Variants in MTMR3 observed in about 807,000 individuals in gnomAD.
MTMR3 encodes the protein myotubularin related protein 3, also known as phosphatidylinositol-3,5-bisphosphate 3-phosphatase MTMR3.
A neutral mutation model predicts 132.4 loss-of-function variants in MTMR3; 32 were observed. The observed-to-expected ratio is 0.24, with a 90% CI of 0.18 to 0.32. The LOEUF (loss-of-function observed/expected upper bound fraction) is 0.32. Among genes scored for constraint, MTMR3 ranks in the 10% least tolerant of loss-of-function variants. The pLI, the probability that MTMR3 is intolerant of heterozygous loss-of-function variation, is 1.00. For missense variants in MTMR3, 1,216 were observed against 1,489.6 expected (o/e 0.82, Z 3.02); for synonymous variants, 556 against 550.3 (o/e 1.01, Z -0.14).
chr22:29,898,572 T>A (rs898569310), intron 1 of MTMR3, among the ~76,000 whole-genome samples: 5 of 152,102 alleles, frequency 3.3e-5, no homozygotes, highest in African/African-American at 1.2e-4. Context: ...CCTGCTAATT[T>A]TTGTATTTTT....
chr22:30,007,589 A>G (rs950600176), intron 10 of MTMR3: 10 of 562,488 alleles, frequency 1.8e-5, no homozygotes, highest in Middle Eastern at 4.8e-4. Context: ...GACTTGCAGT[A>G]TCTGCAGACC....
intron 1 of MTMR3, among the ~76,000 whole-genome samples, chr22:29,936,280 T>C (rs1011433324): frequency 6.6e-6 from 1 of 152,222 alleles, no homozygotes; most frequent in Non-Finnish European, 1.5e-5. Flanking sequence ...TTGGTTATGC[T>C]TGGGAACTTT....
At chr22:29,921,959 T>C (rs1214646774) in intron 1 of MTMR3, among the ~76,000 whole-genome samples, 2 of 151,704 alleles carry the variant, frequency 1.3e-5, no homozygotes, top group Non-Finnish European at 2.9e-5. Flanking sequence ...AGCAAATTCT[T>C]GTGCCTCAGC....
rs1385111885 is a variant in MTMR3 at position 29,932,804 on chromosome 22, T to C, written c.-137-24232T>C. On this transcript the variant is annotated intron_variant, in intron 1 of 19. Transcript: ENST00000401950. ...AATAATAATAGTTATAGAAATAATA[T>C]AAGGAACTCTCAATGTTCTTCACCA... Among the ~76,000 whole-genome samples, 7 of 152,290 alleles carry C rather than the reference T, an allele frequency of 4.6e-5. No homozygotes were observed. In the East Asian group the frequency reaches 1.3e-3, roughly 29 times the overall value.
At chr22:29,949,188 TGCGTGC>T (rs1748348632) in intron 1 of MTMR3, among the ~76,000 whole-genome samples, 1 of 112,908 alleles carries the variant, frequency 8.9e-6, no homozygotes, top group Non-Finnish European at 1.7e-5. Context: ...CACACACACA[TGCGTGC>T]GCGTGCACGC....
In MTMR3 at chr22:29,950,093, A is replaced by C. The variant is rs77758459; in HGVS notation, c.-137-6943A>C. Among the ~76,000 whole-genome samples the C allele has an allele frequency of 4.5e-3, 680 of 152,328 alleles. 6 individuals carry two copies. The highest frequency in any genetic ancestry group is 0.015 in the African/African-American group (642 of 41,568). ...TTTCCCAAAGGTAGACCTTGGAAAT[A>C]GTCAAAAGAACAAAAGTCAGGAAAC... is the stretch of plus-strand genomic sequence containing the variant. On this transcript the variant is annotated intron_variant, in intron 1 of 19. Coordinates refer to ENST00000401950, the MANE Select transcript of MTMR3 (RefSeq NM_021090.4).
At chr22:29,906,971 G>A (rs573433815) in intron 1 of MTMR3, among the ~76,000 whole-genome samples, 5 of 152,028 alleles carry the variant, frequency 3.3e-5, no homozygotes, top group South Asian at 4.2e-4. Context: ...CCAGCTACTC[G>A]GGAGGCCGAG....
intron 19 of MTMR3, chr22:30,023,020 A>G (rs1341947073): frequency 7.1e-6 from 3 of 422,580 alleles, no homozygotes; most frequent in Admixed American, 4.0e-5. Flanking sequence ...CATGGCTACT[A>G]TGAGCAAAAC....
At chr22:29,960,716 C>T (rs141091289) in intron 2 of MTMR3, among the ~76,000 whole-genome samples, 22 of 152,296 alleles carry the variant, frequency 1.4e-4, no homozygotes, top group African/African-American at 5.3e-4. Flanking sequence ...GAAACTGAGG[C>T]TCAGAGAGGT....
intron 1 of MTMR3, among the ~76,000 whole-genome samples, chr22:29,911,573 A>G (rs2065213983): frequency 7.2e-6 from 1 of 139,788 alleles, no homozygotes; most frequent in African/African-American, 2.5e-5. Flanking sequence ...TGTGTAAAAT[A>G]GCTTGATTTG....
At chr22:29,959,710 G>A (rs1324864177) in intron 2 of MTMR3, among the ~76,000 whole-genome samples, 1 of 151,738 alleles carries the variant, frequency 6.6e-6, no homozygotes, top group Non-Finnish European at 1.5e-5. Flanking sequence ...TGGCTCTGTA[G>A]CATTTAATAT....
At chr22:29,922,532 C>G (rs2065437256) in intron 1 of MTMR3, among the ~76,000 whole-genome samples, 2 of 151,960 alleles carry the variant, frequency 1.3e-5, no homozygotes, top group African/African-American at 4.8e-5. Flanking sequence ...TTTTTGTTTA[C>G]CCATTTATCC....
Position 29,902,129 on chromosome 22 carries a change from G to A in MTMR3, c.-138+18770G>A, listed in dbSNP as rs5997552. Among the ~76,000 whole-genome samples the A allele has an allele frequency of 8.0e-4, 122 of 152,194 alleles. 1 individual carries two copies. Among genetic ancestry groups the A allele is most frequent in the African/African-American group, 2.9e-3 (119 of 41,526 alleles). ...CCTGAAAAAGCTGGTGATTTTCACA[G>A]AACATTATAAATTGCTTGGTAAACT... On this transcript the variant is annotated intron_variant, in intron 1 of 19. Coordinates refer to ENST00000401950, the MANE Select transcript of MTMR3 (RefSeq NM_021090.4).
chr22:29,954,609 C>T (rs2145839518), intron 1 of MTMR3, among the ~76,000 whole-genome samples: 1 of 152,290 alleles, frequency 6.6e-6, no homozygotes. Context: ...CCTGTGGAAA[C>T]TTTACACAAA....
intron 13 of MTMR3, 157 bp downstream of exon 13, chr22:30,012,720 T>A: frequency 1.4e-6 from 1 of 738,760 alleles, no homozygotes; most frequent in Non-Finnish European, 2.1e-6. Context: ...TTGTGGTGGT[T>A]CCTCCCACAG....
chr22:29,918,233 C>T (rs978660122), intron 1 of MTMR3, among the ~76,000 whole-genome samples: 2 of 152,178 alleles, frequency 1.3e-5, no homozygotes, highest in African/African-American at 4.8e-5. Context: ...TTAGAACTTT[C>T]TTTAGAGGTG....
Position 30,022,614 on chromosome 22 carries a change from C to T in MTMR3, c.3342C>T (p.Thr1114=), listed in dbSNP as rs1166504570. ...TGGTCCCATCTGTTTTGCAGATGACCCGTTGGCTTCCTGACCACCTGGCCG... is the reference window on the plus strand; with the variant it reads ...TGGTCCCATCTGTTTTGCAGATGACTCGTTGGCTTCCTGACCACCTGGCCG... ...EQVDKQDTEM[T]RWLPDHLAAH... The change falls in exon 19 of 20, where the codon ACC becomes ACT. Residue 1114 remains threonine (T), a synonymous_variant. Coordinates refer to ENST00000401950, the MANE Select transcript of MTMR3 (RefSeq NM_021090.4). The T allele has an allele frequency of 9.3e-6, 15 of 1,613,026 alleles. No homozygotes were observed. Among genetic ancestry groups the T allele is most frequent in the Non-Finnish European group, 4.2e-6 (5 of 1,179,962 alleles).
intron 2 of MTMR3, among the ~76,000 whole-genome samples, chr22:29,966,582 C>G (rs947065627): frequency 3.9e-5 from 6 of 152,082 alleles, no homozygotes; most frequent in Non-Finnish European, 8.8e-5. Context: ...AGAATTCTTC[C>G]CTCATCAACT....
intron 2 of MTMR3, among the ~76,000 whole-genome samples, chr22:29,968,429 G>A (rs1302398872): frequency 6.6e-6 from 1 of 152,134 alleles, no homozygotes; most frequent in Non-Finnish European, 1.5e-5. Context: ...TTTTTTAAAA[G>A]TAATTCAGTA....
Sources: allele counts gnomAD v4.1 joint callset (sites outside exome capture counted in the v4.1 genomes callset), GRCh38; gene constraint gnomAD v4.1.1; transcripts MANE v1.5; gene names NCBI Gene and HGNC (gene_info 2026-07-23, HGNC 2026-07-21).